Variants in CPA3 observed in about 807,000 individuals in gnomAD.
The protein encoded by CPA3 is carboxypeptidase A3, also known as mast cell carboxypeptidase A.
CPA3 carries 52 observed loss-of-function variants against 55.8 expected under a neutral mutation model. That is an observed-to-expected ratio of 0.93 (90% CI 0.75 to 1.17). The LOEUF is 1.17. CPA3 is among the 50% of genes most tolerant of loss of function. The pLI is 0.00. For synonymous variants in CPA3, 179 were observed against 171.2 expected, an observed-to-expected ratio of 1.05 and a Z score of -0.36; for missense variants, 547 against 509.1, an observed-to-expected ratio of 1.07 and a Z score of -0.72.
Position 148,878,559 on chromosome 3 carries a change from C to T in CPA3, c.372+16C>T, listed in dbSNP as rs1020117522. On this transcript the variant is annotated intron_variant, in intron 4 of 10. Coordinates refer to ENST00000296046, the MANE Select transcript of CPA3 (RefSeq NM_001870.4). ...TTGGGAAAAGGTACAGTAAAAAATG[C>T]CTGTACTTTTTTTTAAGTTACCCTT... The T allele has an allele frequency of 6.3e-7, 1 of 1,582,810 alleles. No individual in the cohort carries two copies. The highest frequency in any genetic ancestry group is 8.6e-7 in the Non-Finnish European group (1 of 1,156,376).
chr3:148,865,447 T>C (rs768028360), intron 1 of CPA3, 26 bp from the exon 2 acceptor site: 13 of 1,613,074 alleles, frequency 8.1e-6, no homozygotes, highest in Non-Finnish European at 9.3e-6. Flanking sequence ...CAGTTCACTT[T>C]TTTTTTTTCA....
intron 3 of CPA3, among the ~76,000 whole-genome samples, chr3:148,873,573 T>C (rs562332674): frequency 3.0e-4 from 45 of 152,336 alleles, no homozygotes; most frequent in African/African-American, 1.1e-3. Context: ...CCATGAGAGT[T>C]GGTTGATTGG....
rs149879184 is a variant in CPA3, at chr3:148,879,841, C to T, written c.528C>T (p.His176=). The stretch of plus-strand genomic sequence containing the variant: ...CTATTTTTACGGATTGTGGCATTCA[C>T]GCACGAGAATGGGTCTCCCCAGCAT... ...RKAIFTDCGI[H]AREWVSPAFC... is the part of the protein sequence containing the mutation. The change falls in exon 6 of 11, where the codon CAC becomes CAT. Residue 176 remains histidine (H), a synonymous_variant. Coordinates refer to ENST00000296046, the MANE Select transcript of CPA3 (RefSeq NM_001870.4). The T allele has an allele frequency of 1.1e-3, 1,819 of 1,612,714 alleles. 15 individuals carry two copies. The highest frequency in any genetic ancestry group is 3.5e-4 in the African/African-American group (26 of 74,982).
Position 148,868,222 on chromosome 3 carries a change from T to G in CPA3, c.145-693T>G, listed in dbSNP as rs1713960379. Among the ~76,000 whole-genome samples, 6 of 152,232 alleles carry G rather than the reference T, an allele frequency of 3.9e-5. No individual in the cohort carries two copies. In the South Asian group the frequency reaches 1.2e-3, roughly 32 times the overall value. ...AATTATTTTGATCTGAATGCTATAC[T>G]TCTGAGCTCATATACCAAATTTTTG... On this transcript the variant is annotated intron_variant, in intron 2 of 10. Coordinates refer to ENST00000296046, the MANE Select transcript of CPA3 (RefSeq NM_001870.4).
intron 3 of CPA3, 97 bp downstream of exon 3, chr3:148,869,136 G>A: frequency 2.9e-6 from 4 of 1,385,272 alleles, no homozygotes; most frequent in Non-Finnish European, 3.9e-6. Flanking sequence ...TTTTAATTGG[G>A]CCCCCCAGAA....
At chr3:148,874,858 C>T (rs557269624) in intron 3 of CPA3, among the ~76,000 whole-genome samples, 1 of 152,276 alleles carries the variant, frequency 6.6e-6, no homozygotes, top group Non-Finnish European at 1.5e-5. Flanking sequence ...TCAAAGCCTG[C>T]TTTAAAAACA....
chr3:148,879,024 G>A (rs1183085711), intron 5 of CPA3, among the ~76,000 whole-genome samples: 2 of 10,902 alleles, frequency 1.8e-4, no homozygotes, highest in African/African-American at 9.7e-4. Flanking sequence ...TGATGTCTCT[G>A]GTATAAAAAA....
intron 9 of CPA3, among the ~76,000 whole-genome samples, chr3:148,885,238 T>C (rs941770861): frequency 8.6e-5 from 13 of 151,382 alleles, no homozygotes; most frequent in Non-Finnish European, 1.9e-4. Context: ...TGGAAGAAAA[T>C]GGAGAAACTG....
chr3:148,870,850 C>T (rs1714045100), intron 3 of CPA3, among the ~76,000 whole-genome samples: 1 of 152,170 alleles, frequency 6.6e-6, no homozygotes, highest in Admixed American at 6.5e-5. Flanking sequence ...TTGACTCTTT[C>T]ATCTAAAAGA....
chr3:148,873,025 TACACAC>T (rs10536988), intron 3 of CPA3, among the ~76,000 whole-genome samples: 4,297 of 103,768 alleles, frequency 0.041, 93 homozygotes, highest in Middle Eastern at 0.14. Context: ...CTTCTATGAA[TACACAC>T]ACACACACAC....
Position 148,882,496 on chromosome 3 carries a change from A to G in CPA3, c.688-9A>G. 1 of 1,612,138 alleles carries G rather than the reference A, an allele frequency of 6.2e-7. No homozygotes were observed. Among genetic ancestry groups the G allele is most frequent in the Non-Finnish European group, 8.5e-7 (1 of 1,178,380 alleles). ...CTTGTGTAAACACTTACGTCATTCA[A>G]TCTGGCAGAACCGCATGTGGAGAAA... On this transcript the variant is annotated splice_polypyrimidine_tract_variant and intron_variant, in intron 7 of 10. Transcript: ENST00000296046.
At chr3:148,880,514 T>C (rs1008971798) in intron 6 of CPA3, among the ~76,000 whole-genome samples, 5 of 152,114 alleles carry the variant, frequency 3.3e-5, no homozygotes, top group Admixed American at 2.6e-4. Flanking sequence ...GTATTTTTAG[T>C]AGAGACTGGA....
intron 10 of CPA3, among the ~76,000 whole-genome samples, chr3:148,892,380 C>T (rs1714694950): frequency 6.6e-6 from 1 of 152,086 alleles, no homozygotes; most frequent in South Asian, 2.1e-4. Context: ...CAGCTGAGCA[C>T]GGTGGCTCAT....
intron 2 of CPA3, 121 bp downstream of exon 2, chr3:148,865,669 G>C (rs550866431): frequency 2.2e-6 from 2 of 909,550 alleles, no homozygotes; most frequent in East Asian, 5.3e-5. Context: ...GAAAGCAGGA[G>C]CTATCTGGAT....
In CPA3 at chr3:148,868,925, G is replaced by C. The variant is rs1713982114; in HGVS notation, c.155G>C (p.Trp52Ser). ...AGCTTATCTCTGCAGCTTGACTTCT[G>C]GTATCCAGGTGCCACCCACCACGTA... ...DLAKTNELDFWYPGATHHVAA... is the reference protein window; with the variant it reads ...DLAKTNELDFSYPGATHHVAA... Residue 52 changes from tryptophan (W) to serine (S), a missense_variant, in exon 3 of 11, where the codon TGG becomes TCG. Coordinates refer to ENST00000296046, the MANE Select transcript of CPA3 (RefSeq NM_001870.4). 6.2e-7 allele frequency: 1 copy of C among 1,613,564 alleles called. No homozygotes were observed. The highest frequency in any genetic ancestry group is 1.3e-5 in the African/African-American group (1 of 74,900).
chr3:148,868,173 G>T (rs1049542407), intron 2 of CPA3, among the ~76,000 whole-genome samples: 4 of 152,078 alleles, frequency 2.6e-5, no homozygotes, highest in Non-Finnish European at 5.9e-5. Flanking sequence ...GATTACAGTC[G>T]TGAGCCACAA....
chr3:148,871,569 C>T (rs1364538231), intron 3 of CPA3, among the ~76,000 whole-genome samples: 1 of 152,178 alleles, frequency 6.6e-6, no homozygotes, highest in African/African-American at 2.4e-5. Context: ...CTCTAGGCCT[C>T]TTCTATCCTG....
chr3:148,880,335 C>CT lies in CPA3; in HGVS notation c.576+460dup, dbSNP rs35154297. Reference sequence around the variant, plus strand: ...TGAGTGAAAAATAACTCACTTTTTTCTTTTTTTTTTTTTTGAGATGGAGTC... The same window carrying CT: ...TGAGTGAAAAATAACTCACTTTTTTCTTTTTTTTTTTTTTTGAGATGGAGTC... On this transcript the variant is annotated intron_variant, in intron 6 of 10. Transcript: ENST00000296046. 9.8e-3 allele frequency among the ~76,000 whole-genome samples: 1,329 copies of CT among 136,228 alleles called. 12 individuals carry two copies. The highest frequency in any genetic ancestry group is 0.015 in the Non-Finnish European group (937 of 64,494). 89.4% of individuals were successfully genotyped at this position (136,228 alleles called of 152,430 possible).
rs1025380135 is a variant in CPA3 at position 148,895,401 on chromosome 3, A to T, written c.1067-1119A>T. Among the ~76,000 whole-genome samples the T allele has an allele frequency of 7.2e-5, 11 of 152,218 alleles. 1 individual carries two copies. In the East Asian group the frequency reaches 7.7e-4, roughly 11 times the overall value. ...TATTTGAGCTGGCACTGGGCATGAA[A>T]GGCCATACTCCTCATCAAGAATAAT... On this transcript the variant is annotated intron_variant, in intron 10 of 10. Transcript: ENST00000296046.
Sources: allele counts gnomAD v4.1 joint callset (sites outside exome capture counted in the v4.1 genomes callset), GRCh38; gene constraint gnomAD v4.1.1; transcripts MANE v1.5; gene names NCBI Gene and HGNC (gene_info 2026-07-23, HGNC 2026-07-21).